Variants in CREBBP observed in about 807,000 individuals in gnomAD.
The protein encoded by CREBBP is CREB binding lysine acetyltransferase, also known as CREB-binding protein.
CREBBP carries 19 observed loss-of-function variants against 265.0 expected under a neutral mutation model. The ratio of observed to expected loss-of-function variants is 0.07; its 90% CI spans 0.05 to 0.11. The LOEUF (loss-of-function observed/expected upper bound fraction) is 0.11. Ranked by LOEUF, CREBBP falls within the 10% of genes least tolerant of loss-of-function variation. CREBBP has a pLI of 1.00. For synonymous variants in CREBBP, 1,457 were observed against 1,223.7 expected (o/e 1.19, Z -3.98); for missense variants, 2,525 against 3,219.0 (o/e 0.78, Z 5.22).
At chr16:3,864,050 A>G (rs1466537200) in intron 1 of CREBBP, among the ~76,000 whole-genome samples, 2 of 152,208 alleles carry the variant, frequency 1.3e-5, no homozygotes, top group Non-Finnish European at 2.9e-5. Flanking sequence ...TGGAGGAAGA[A>G]GAATGTGGGG....
chr16:3,842,843 G>A (rs1211302259), intron 2 of CREBBP, among the ~76,000 whole-genome samples: 4 of 151,794 alleles, frequency 2.6e-5, no homozygotes, highest in African/African-American at 9.7e-5. Flanking sequence ...GCGGGCGCCT[G>A]TAATCCCAGA....
At chr16:3,736,291 C>T in intron 27 of CREBBP, 88 bp from the exon 28 acceptor site, 1 of 1,391,796 alleles carries the variant, frequency 7.2e-7, no homozygotes, top group Non-Finnish European at 1.0e-6. Flanking sequence ...AAGCGTGCCC[C>T]TCACCATGGT....
intron 16 of CREBBP, among the ~76,000 whole-genome samples, chr16:3,759,420 C>A (rs75292026): frequency 2.6e-5 from 4 of 151,972 alleles, no homozygotes; most frequent in Non-Finnish European, 5.9e-5. Flanking sequence ...GAAACCTCGT[C>A]TCTACTAAAC....
chr16:3,772,659 C>A (rs552960017), intron 13 of CREBBP, among the ~76,000 whole-genome samples: 2 of 152,004 alleles, frequency 1.3e-5, no homozygotes, highest in Admixed American at 1.3e-4. Flanking sequence ...GCCCTTTACA[C>A]GAAGTTTGCT....
intron 2 of CREBBP, among the ~76,000 whole-genome samples, chr16:3,845,703 T>G (rs887202868): frequency 6.6e-6 from 1 of 151,858 alleles, no homozygotes; most frequent in Admixed American, 6.6e-5. Context: ...CTGGGCAACA[T>G]GGCAAAACCC....
chr16:3,780,475 G>T (rs564593609), intron 8 of CREBBP, among the ~76,000 whole-genome samples: 17 of 152,236 alleles, frequency 1.1e-4, no homozygotes, highest in Admixed American at 8.5e-4. Context: ...TCTTTGCCTC[G>T]GTGATAGGGG....
chr16:3,821,834 C>T (rs944711927), intron 2 of CREBBP, among the ~76,000 whole-genome samples: 2 of 152,086 alleles, frequency 1.3e-5, no homozygotes, highest in African/African-American at 2.4e-5. Flanking sequence ...GTTGGAGACC[C>T]GCCTGGCCAA....
chr16:3,875,083 A>G (rs2055372388), intron 1 of CREBBP, among the ~76,000 whole-genome samples: 1 of 152,216 alleles, frequency 6.6e-6, no homozygotes, highest in South Asian at 2.1e-4. Flanking sequence ...CACTACTTAG[A>G]AGCTGTGAAA....
chr16:3,854,344 G>C (rs1474254657), intron 1 of CREBBP, among the ~76,000 whole-genome samples: 1 of 152,196 alleles, frequency 6.6e-6, no homozygotes, highest in Non-Finnish European at 1.5e-5. Flanking sequence ...TCACCCTGTA[G>C]CCAGGAGAGC....
chr16:3,838,568 T>C (rs1414170813), intron 2 of CREBBP, among the ~76,000 whole-genome samples: 1 of 152,102 alleles, frequency 6.6e-6, no homozygotes, highest in Non-Finnish European at 1.5e-5. Context: ...AACTTTGACT[T>C]TAAAAAAGAT....
intron 6 of CREBBP, 108 bp from the exon 7 acceptor site, chr16:3,781,414 T>A: frequency 1.1e-6 from 1 of 886,216 alleles, no homozygotes; most frequent in Non-Finnish European, 1.8e-6. Flanking sequence ...GGTGGTTATT[T>A]AAATAAGTGA....
intron 27 of CREBBP, 111 bp downstream of exon 27, chr16:3,736,539 A>C: frequency 6.8e-7 from 1 of 1,469,840 alleles, no homozygotes; most frequent in Non-Finnish European, 9.5e-7. Context: ...TCTGCTTTCT[A>C]ATCCTCATAA....
Position 3,756,819 on chromosome 16 carries a change from A to C in CREBBP, c.3698+469T>G, listed in dbSNP as rs961322457. 1.3e-4 allele frequency among the ~76,000 whole-genome samples: 20 copies of C among 152,282 alleles called. No homozygotes were observed. The South Asian group carries it at 4.1e-3, about 32-fold the overall frequency. On this transcript the variant is annotated intron_variant, in intron 19 of 30. Transcript: ENST00000262367. ...TGAACATCTTGAAAAAGGCATGTCA[A>C]CCTTTATCAGAGTTACTCTCAACTT...
At chr16:3,871,173 G>GCT (rs2055287977) in intron 1 of CREBBP, among the ~76,000 whole-genome samples, 1 of 137,536 alleles carries the variant, frequency 7.3e-6, no homozygotes, top group Non-Finnish European at 1.6e-5. Context: ...CCCTTTTAGA[G>GCT]ATCTCTCTCT....
intron 6 of CREBBP, 141 bp from the exon 7 acceptor site, chr16:3,781,447 C>T: frequency 2.9e-6 from 2 of 683,082 alleles, no homozygotes; most frequent in Non-Finnish European, 5.2e-6. Flanking sequence ...ATAGTAAGCA[C>T]TGCGGCAGGA....
At chr16:3,851,494 T>C (rs1396373356) in intron 1 of CREBBP, among the ~76,000 whole-genome samples, 3 of 152,014 alleles carry the variant, frequency 2.0e-5, no homozygotes, top group African/African-American at 4.8e-5. Flanking sequence ...AACTCAGATA[T>C]ACAAATTAAA....
At position 3,731,120 on chromosome 16, in the gene CREBBP, C is replaced by T; in HGVS notation, c.5172+72G>A. 1 of 1,520,424 alleles carries T rather than the reference C, an allele frequency of 6.6e-7. No individual in the cohort carries two copies. The highest frequency in any genetic ancestry group is 9.0e-7 in the Non-Finnish European group (1 of 1,113,826). 94.2% of individuals were successfully genotyped at this position (1,520,424 alleles called of 1,614,324 possible). A position where few individuals can be genotyped will look rare whatever the true frequency, so the allele number is the denominator to read the frequency against. ...CAGGTACAGACACCAACCCGGGCAC[C>T]CATGCAAAGGGACAGGATGCTTCGT... On this transcript the variant is annotated intron_variant, in intron 30 of 30. Transcript: ENST00000262367. This position sits in a 1 kb window ranked among gnomAD's most constrained non-coding sequence, Gnocchi z 7.7.
intron 1 of CREBBP, among the ~76,000 whole-genome samples, chr16:3,854,047 C>T (rs2054910326): frequency 6.6e-6 from 1 of 152,140 alleles, no homozygotes; most frequent in African/African-American, 2.4e-5. Context: ...TCTGCTCACC[C>T]AATACCCCTG....
At chr16:3,793,235 T>TG in intron 4 of CREBBP, 151 bp downstream of exon 4, 1 of 1,024,102 alleles carries the variant, frequency 9.8e-7, no homozygotes, top group Non-Finnish European at 1.5e-6. Flanking sequence ...TGTCGTCGCG[T>TG]GGGGAACGTG....
Sources: allele counts gnomAD v4.1 joint callset (sites outside exome capture counted in the v4.1 genomes callset), GRCh38; gene constraint gnomAD v4.1.1; non-coding constraint Gnocchi (gnomAD v3.1); transcripts MANE v1.5; gene names NCBI Gene and HGNC (gene_info 2026-07-23, HGNC 2026-07-21).